SLC39A12: variants seen among roughly 807,000 people sequenced by gnomAD.
The protein encoded by SLC39A12 is solute carrier family 39 member 12.
Under a neutral mutation model 71.1 loss-of-function variants are expected in SLC39A12, and 63 were observed. The ratio of observed to expected loss-of-function variants is 0.89; its 90% CI spans 0.72 to 1.09. The LOEUF (loss-of-function observed/expected upper bound fraction) is 1.09, where lower values mean the gene tolerates loss of function less well. SLC39A12 is among the 50% of genes least tolerant of loss of function. SLC39A12 has a pLI of 0.00. For synonymous variants in SLC39A12, 351 were observed against 301.3 expected (o/e 1.16, Z -1.71); for missense variants, 892 against 812.6 (o/e 1.10, Z -1.19).
At chr10:18,022,199 C>G (rs1431095576) in intron 12 of SLC39A12, among the ~76,000 whole-genome samples, 1 of 152,162 alleles carries the variant, frequency 6.6e-6, no homozygotes, top group Non-Finnish European at 1.5e-5. Flanking sequence ...TTTTGAAGGA[C>G]AGTATCCTCA....
At chr10:18,039,902 T>C (rs1009225622) in intron 12 of SLC39A12, among the ~76,000 whole-genome samples, 68 of 152,306 alleles carry the variant, frequency 4.5e-4, no homozygotes, top group African/African-American at 1.6e-3. Flanking sequence ...ATCAAGGCAT[T>C]TAGAAACCAA....
intron 4 of SLC39A12, among the ~76,000 whole-genome samples, chr10:17,977,372 C>T (rs1261272411): frequency 6.6e-6 from 1 of 150,736 alleles, no homozygotes; most frequent in Non-Finnish European, 1.5e-5. Flanking sequence ...CTGTTTTAAT[C>T]ATAAGTAAGA....
At chr10:18,042,622 C>A in intron 12 of SLC39A12, 83 bp from the exon 13 acceptor site, 1 of 1,378,732 alleles carries the variant, frequency 7.3e-7, no homozygotes, top group Non-Finnish European at 9.8e-7. Flanking sequence ...TTCTGAATAA[C>A]AGTCGCTCAT....
intron 3 of SLC39A12, among the ~76,000 whole-genome samples, chr10:17,963,726 G>A (rs797038779): frequency 2.0e-5 from 3 of 152,124 alleles, no homozygotes; most frequent in Non-Finnish European, 4.4e-5. Flanking sequence ...GATGGCATGA[G>A]GTCAGATGAG....
intron 7 of SLC39A12, among the ~76,000 whole-genome samples, chr10:17,989,658 C>T (rs1589234159): frequency 1.3e-5 from 2 of 152,076 alleles, no homozygotes; most frequent in African/African-American, 4.8e-5. Flanking sequence ...GTGGTTCACG[C>T]CTGTAATCCC....
At chr10:18,007,316 T>C (rs953229810) in intron 12 of SLC39A12, 2 of 152,184 alleles carry the variant, frequency 1.3e-5, no homozygotes, top group African/African-American at 4.8e-5. Context: ...GTGTATCCTC[T>C]AGTTGCCTGG....
intron 1 of SLC39A12, among the ~76,000 whole-genome samples, chr10:17,952,779 G>C (rs926060967): frequency 6.6e-6 from 1 of 152,092 alleles, no homozygotes; most frequent in South Asian, 2.1e-4. Context: ...GAGCTACCGC[G>C]CCTGGCCTAA....
intron 5 of SLC39A12, among the ~76,000 whole-genome samples, chr10:17,980,574 A>G (rs1267019111): frequency 1.3e-5 from 2 of 152,166 alleles, no homozygotes; most frequent in African/African-American, 4.8e-5. Flanking sequence ...GAGATGGACA[A>G]ATGTCTTTTG....
At chr10:17,993,104 A>G (rs749787953) in intron 8 of SLC39A12, 77 bp from the exon 9 acceptor site, 1 of 1,036,104 alleles carries the variant, frequency 9.7e-7, no homozygotes, top group Non-Finnish European at 1.4e-6. Context: ...AGGCAATGGA[A>G]TGGAACCGTG....
intron 12 of SLC39A12, among the ~76,000 whole-genome samples, chr10:18,016,642 C>T (rs1299218982): frequency 2.6e-5 from 4 of 152,168 alleles, no homozygotes; most frequent in South Asian, 2.1e-4. Context: ...AGTGGCTGTA[C>T]CTTTTGGCAT....
chr10:18,014,304 C>T (rs950585628), intron 12 of SLC39A12, among the ~76,000 whole-genome samples: 1 of 151,650 alleles, frequency 6.6e-6, no homozygotes, highest in Non-Finnish European at 1.5e-5. Flanking sequence ...TTTATTTTGT[C>T]TTTCAACTTT....
intron 12 of SLC39A12, among the ~76,000 whole-genome samples, chr10:18,036,767 TATATATATATATATATATA>T (rs1465847974): frequency 0.05 from 3,431 of 68,608 alleles, 286 homozygotes; most frequent in East Asian, 0.11. Flanking sequence ...TATATATATA[TATATATATATATATATATA>T]TATATATATT....
At chr10:17,998,173 A>G (rs1835737437) in intron 10 of SLC39A12, among the ~76,000 whole-genome samples, 1 of 152,164 alleles carries the variant, frequency 6.6e-6, no homozygotes, top group Non-Finnish European at 1.5e-5. Flanking sequence ...TGTGTTCTTT[A>G]TGGCTTACAT....
At chr10:17,974,403 C>T (rs920673157) in intron 4 of SLC39A12, among the ~76,000 whole-genome samples, 1 of 152,154 alleles carries the variant, frequency 6.6e-6, no homozygotes, top group African/African-American at 2.4e-5. Flanking sequence ...ACTCACTGTT[C>T]TTGGGAAGGC....
intron 12 of SLC39A12, among the ~76,000 whole-genome samples, chr10:18,015,128 T>G (rs538246277): frequency 2.6e-5 from 4 of 152,206 alleles, no homozygotes; most frequent in Non-Finnish European, 5.9e-5. Context: ...TCAGTAAATT[T>G]TCTTGGAGAC....
chr10:18,017,702 G>C (rs1042925493), intron 12 of SLC39A12, among the ~76,000 whole-genome samples: 1 of 152,090 alleles, frequency 6.6e-6, no homozygotes, highest in Non-Finnish European at 1.5e-5. Context: ...ACTGTATATA[G>C]GTCTATTTCT....
intron 5 of SLC39A12, among the ~76,000 whole-genome samples, chr10:17,979,626 GA>G (rs921133567): frequency 1.6e-3 from 244 of 150,506 alleles, no homozygotes; most frequent in African/African-American, 3.2e-3. Flanking sequence ...TTGATAAAGG[GA>G]AAAAAAAACA....
chr10:18,016,461 G>C (rs1485863117), intron 12 of SLC39A12, among the ~76,000 whole-genome samples: 2 of 152,096 alleles, frequency 1.3e-5, no homozygotes, highest in Admixed American at 6.5e-5. Flanking sequence ...TCCAAATTTG[G>C]TTCCTTCCAA....
rs1464221012 is a variant in SLC39A12 at position 17,988,208 on chromosome 10, TGA to T, written c.1269+560_1269+561del. Among the ~76,000 whole-genome samples, 11 of 152,264 alleles carry T rather than the reference TGA, an allele frequency of 7.2e-5. No homozygotes were observed. In the South Asian group the frequency reaches 1.0e-3, roughly 14 times the overall value. On this transcript the variant is annotated intron_variant, in intron 7 of 12. Transcript: ENST00000377369. ...CTGTAATCCTAGCTACTCGGGAGGC[TGA>T]GACAGGAGAATCGCTTGAACTCGAG... is the stretch of plus-strand genomic sequence containing the variant.
Sources: allele counts gnomAD v4.1 joint callset (sites outside exome capture counted in the v4.1 genomes callset), GRCh38; gene constraint gnomAD v4.1.1; transcripts MANE v1.5; gene names NCBI Gene and HGNC (gene_info 2026-07-23, HGNC 2026-07-21).